CEP295: variants seen among roughly 807,000 people sequenced by gnomAD.
The protein encoded by CEP295 is centrosomal protein 295, also known as centrosomal protein of 295 kDa.
Under a neutral mutation model 291.6 loss-of-function variants are expected in CEP295, and 190 were observed. That is an observed-to-expected ratio of 0.65 (90% CI 0.58 to 0.73). The LOEUF (loss-of-function observed/expected upper bound fraction) is 0.73, where lower values mean the gene tolerates loss of function less well. Among genes scored for constraint, CEP295 ranks in the 30% least tolerant of loss-of-function variants. The probability of loss-of-function intolerance (pLI) is 0.00; values close to 1 mark genes in which losing one functional copy is unlikely to be tolerated. For missense variants in CEP295, 2,863 were observed against 2,949.4 expected, an observed-to-expected ratio of 0.97 and a Z score of 0.68; for synonymous variants, 993 against 1,038.8, an observed-to-expected ratio of 0.96 and a Z score of 0.85.
In CEP295 at chr11:93,702,022, G is replaced by C. The variant is rs372355461; in HGVS notation, c.5275-438G>C. ...GCTGCAGGCTGGAGTGCAGTGGCAC[G>C]ATCTTGGCTCACTGCAACCTCTGCC... On this transcript the variant is annotated intron_variant, in intron 15 of 29. Coordinates refer to ENST00000325212, the MANE Select transcript of CEP295 (RefSeq NM_033395.2). Among the ~76,000 whole-genome samples, 11 of 147,374 alleles carry C rather than the reference G, an allele frequency of 7.5e-5. No individual in the cohort carries two copies. In the East Asian group the frequency reaches 8.3e-4, roughly 11 times the overall value.
At position 93,678,860 on chromosome 11, in the gene CEP295, C is replaced by CT. The variant is rs569750293; in HGVS notation, c.625-544dup. ...AATACTGTCATTTTAATGAAGTTTC[C>CT]TTTTTTTTATTTTTGAGATGGAGTC... On this transcript the variant is annotated intron_variant, in intron 6 of 29. Coordinates refer to ENST00000325212, the MANE Select transcript of CEP295 (RefSeq NM_033395.2). 2.1e-3 allele frequency among the ~76,000 whole-genome samples: 322 copies of CT among 151,834 alleles called. 1 individual carries two copies. Among genetic ancestry groups the CT allele is most frequent in the African/African-American group, 7.6e-3 (315 of 41,404 alleles).
intron 10 of CEP295, 139 bp from the exon 11 acceptor site, chr11:93,691,544 A>G (rs1951554232): frequency 3.3e-6 from 2 of 599,468 alleles, no homozygotes; most frequent in Non-Finnish European, 5.9e-6. Context: ...TCTGATCATC[A>G]GGAAGGTTAC....
rs948111273 is a variant in CEP295, at chr11:93,671,628, C to T, written c.528+1858C>T. Reference sequence around the variant, plus strand: ...TAAAAGGCATTATTTTAGAAAAATACATTACCCAAGCCAATAAAGGTGTTT... The same window carrying T: ...TAAAAGGCATTATTTTAGAAAAATATATTACCCAAGCCAATAAAGGTGTTT... On this transcript the variant is annotated intron_variant, in intron 5 of 29. Coordinates refer to ENST00000325212, the MANE Select transcript of CEP295 (RefSeq NM_033395.2). Among the ~76,000 whole-genome samples the T allele has an allele frequency of 9.2e-5, 14 of 152,218 alleles. No individual in the cohort carries two copies. In the South Asian group the frequency reaches 2.9e-3, roughly 32 times the overall value.
At chr11:93,695,009 C>T (rs1423930927) in intron 12 of CEP295, among the ~76,000 whole-genome samples, 1 of 152,110 alleles carries the variant, frequency 6.6e-6, no homozygotes, top group Non-Finnish European at 1.5e-5. Context: ...TCTTCTGTTC[C>T]ATGCCTGACA....
At chr11:93,723,315 T>C (rs1953888151) in intron 21 of CEP295, 26 bp downstream of exon 21, 1 of 1,408,228 alleles carries the variant, frequency 7.1e-7, no homozygotes, top group African/African-American at 1.5e-5. Context: ...AGCAATACTT[T>C]TATGTAAATT....
chr11:93,668,773 T>C, intron 3 of CEP295, 35 bp from the exon 4 acceptor site: 1 of 1,421,448 alleles, frequency 7.0e-7, no homozygotes, highest in Non-Finnish European at 9.5e-7. Context: ...ATTATTCTTG[T>C]TTAACATGAC....
At chr11:93,712,788 T>C (rs1162589568) in intron 18 of CEP295, among the ~76,000 whole-genome samples, 3 of 152,116 alleles carry the variant, frequency 2.0e-5, no homozygotes, top group Non-Finnish European at 4.4e-5. Flanking sequence ...AATGATTTAC[T>C]CTTGTCATTT....
chr11:93,675,265 T>G (rs1162230237), intron 5 of CEP295, among the ~76,000 whole-genome samples: 1 of 152,184 alleles, frequency 6.6e-6, no homozygotes, highest in Non-Finnish European at 1.5e-5. Flanking sequence ...ATATGGCCTG[T>G]AAGCCCTTCT....
At chr11:93,687,359 A>G (rs1951294653) in intron 9 of CEP295, among the ~76,000 whole-genome samples, 1 of 152,242 alleles carries the variant, frequency 6.6e-6, no homozygotes, top group Non-Finnish European at 1.5e-5. Context: ...CAAAATAAAC[A>G]TCTTCCTGAT....
chr11:93,722,067 G>A lies in CEP295; in HGVS notation c.5947+17G>A, dbSNP rs1017840824. ...CAGATCCAGGTAATAAGGTCAAAAT[G>A]TTTATAAATAAGTTGAAAGACCGGC... is the stretch of plus-strand genomic sequence containing the variant. On this transcript the variant is annotated intron_variant, in intron 20 of 29. Coordinates refer to ENST00000325212, the MANE Select transcript of CEP295 (RefSeq NM_033395.2). 4.8e-6 allele frequency: 7 copies of A among 1,452,760 alleles called. No homozygotes were observed. Among genetic ancestry groups the A allele is most frequent in the Non-Finnish European group, 6.6e-6 (7 of 1,057,792 alleles). The allele number at this position is 1,452,760 out of a possible 1,614,324, so 90.0% of individuals were successfully genotyped here. A position where few individuals can be genotyped will look rare whatever the true frequency, so the allele number is the denominator to read the frequency against.
At chr11:93,695,436 G>A in intron 12 of CEP295, 61 bp from the exon 13 acceptor site, 1 of 1,131,434 alleles carries the variant, frequency 8.8e-7, no homozygotes, top group Non-Finnish European at 1.2e-6. Context: ...AATGGAACGT[G>A]TGTTATCTTT....
chr11:93,704,146 T>A (rs1056688449), intron 17 of CEP295, among the ~76,000 whole-genome samples: 1 of 152,116 alleles, frequency 6.6e-6, no homozygotes, highest in African/African-American at 2.4e-5. Context: ...CTAAATAATT[T>A]TCTCGATCAA....
chr11:93,713,960 G>T (rs1195862805), intron 18 of CEP295, among the ~76,000 whole-genome samples: 1 of 152,126 alleles, frequency 6.6e-6, no homozygotes, highest in Non-Finnish European at 1.5e-5. Flanking sequence ...CCAGTCTTCA[G>T]TATGTCGATT....
rs1239037841 is a variant in CEP295 at position 93,699,633 on chromosome 11, C to A, written c.4721C>A (p.Thr1574Asn). 2 of 1,551,616 alleles carry A rather than the reference C, an allele frequency of 1.3e-6. No individual in the cohort carries two copies. The highest frequency in any genetic ancestry group is 2.7e-5 in the African/African-American group (2 of 73,060). ...TCTTTCCCAACCAAAAGTAATGATACTCTTCCCTCAAGTCATCGTGAGATT... is the reference window on the plus strand; with the variant it reads ...TCTTTCCCAACCAAAAGTAATGATAATCTTCCCTCAAGTCATCGTGAGATT... ...QKSFPTKSND[T>N]LPSSHREIPR... The change falls in exon 15 of 30, where the codon ACT becomes AAT. Residue 1574 changes from threonine to asparagine, a missense_variant. Around this residue, in one of 3 missense-constraint regions of CEP295, gnomAD observed 2,295 missense variants for 2,335.7 expected, o/e 0.98. Transcript: ENST00000325212.
chr11:93,684,628 G>C (rs1174551462), intron 9 of CEP295, among the ~76,000 whole-genome samples: 1 of 152,190 alleles, frequency 6.6e-6, no homozygotes, highest in Non-Finnish European at 1.5e-5. Flanking sequence ...AAAGTTGTCA[G>C]GTGGAGATCG....
chr11:93,729,064 CTAGTGT>C lies in CEP295; in HGVS notation c.7302+246_7302+251del. The C allele has an allele frequency of 1.2e-5, 6 of 516,988 alleles. No homozygotes were observed. In the South Asian group the frequency reaches 1.8e-4, roughly 15 times the overall value. 32.0% of individuals were successfully genotyped at this position (516,988 alleles called of 1,614,324 possible). ...GACTGGCAGAACTAATCTTATACAC[CTAGTGT>C]TATAGTGCCAAGTTGGAAGTTTTAC... On this transcript the variant is annotated intron_variant, in intron 25 of 29. Coordinates refer to ENST00000325212, the MANE Select transcript of CEP295 (RefSeq NM_033395.2).
At chr11:93,668,009 A>T (rs1802137097) in intron 3 of CEP295, among the ~76,000 whole-genome samples, 1 of 152,146 alleles carries the variant, frequency 6.6e-6, no homozygotes. Context: ...ATCCATGTCA[A>T]ATAAAATTGG....
At chr11:93,683,213 C>T (rs1170846127) in intron 7 of CEP295, among the ~76,000 whole-genome samples, 5 of 152,194 alleles carry the variant, frequency 3.3e-5, no homozygotes, top group Non-Finnish European at 5.9e-5. Context: ...TAGACATTAA[C>T]TTCATGACTT....
At chr11:93,673,936 T>C (rs1421882839) in intron 5 of CEP295, among the ~76,000 whole-genome samples, 1 of 110,976 alleles carries the variant, frequency 9.0e-6, no homozygotes, top group Non-Finnish European at 1.9e-5. Flanking sequence ...TACTTGGATT[T>C]TCTTAATCCC....
Sources: allele counts gnomAD v4.1 joint callset (sites outside exome capture counted in the v4.1 genomes callset), GRCh38; gene constraint gnomAD v4.1.1; regional missense constraint gnomAD v4.1.1; transcripts MANE v1.5; gene names NCBI Gene and HGNC (gene_info 2026-07-23, HGNC 2026-07-21).